The following ARMH4 variants were observed in gnomAD, a reference collection of about 807,000 sequenced individuals.
The protein encoded by ARMH4 is armadillo like helical domain containing 4.
Under a neutral mutation model 61.9 loss-of-function variants are expected in ARMH4, and 49 were observed. That is an observed-to-expected ratio of 0.79 (90% CI 0.63 to 1.00). The LOEUF (loss-of-function observed/expected upper bound fraction) is 1.00, where lower values mean the gene tolerates loss of function less well. Ranked by LOEUF, ARMH4 falls within the 50% of genes least tolerant of loss-of-function variation. The pLI is 0.00. For missense variants in ARMH4, 934 were observed against 930.0 expected (o/e 1.00, Z -0.06); for synonymous variants, 368 against 341.5 (o/e 1.08, Z -0.85).
chr14:58,053,839 T>G (rs962740065), intron 5 of ARMH4, among the ~76,000 whole-genome samples: 4 of 152,154 alleles, frequency 2.6e-5, no homozygotes, highest in Admixed American at 2.6e-4. Context: ...GTCACGTCAG[T>G]CACAACCCCA....
In ARMH4 at chr14:58,047,416, T is replaced by C. The variant is rs112146692; in HGVS notation, c.2090-35266A>G. 4.8e-3 allele frequency among the ~76,000 whole-genome samples: 728 copies of C among 152,342 alleles called. 7 individuals carry two copies. The highest frequency in any genetic ancestry group is 0.017 in the African/African-American group (702 of 41,572). ...ATGTCTTAGTAACAGTTAAAACATA[T>C]AGTGTTAACTGTGTAGCAGACACAC... On this transcript the variant is annotated intron_variant, in intron 5 of 7. Coordinates refer to ENST00000267485, the MANE Select transcript of ARMH4 (RefSeq NM_001001872.4).
At chr14:58,011,978 G>A in intron 6 of ARMH4, 141 bp downstream of exon 6, 4 of 610,232 alleles carry the variant, frequency 6.6e-6, no homozygotes, top group Non-Finnish European at 1.1e-5. Flanking sequence ...TTTTTTGCAG[G>A]TACTGCAAGT....
At chr14:58,031,230 C>T (rs1267189071) in intron 5 of ARMH4, among the ~76,000 whole-genome samples, 1 of 152,106 alleles carries the variant, frequency 6.6e-6, no homozygotes, top group African/African-American at 2.4e-5. Context: ...CTCTGAGCAT[C>T]GATTAGACAC....
chr14:58,112,614 T>C (rs972147093), intron 4 of ARMH4, among the ~76,000 whole-genome samples: 11 of 152,224 alleles, frequency 7.2e-5, no homozygotes, highest in African/African-American at 2.4e-4. Flanking sequence ...ATTTGTTCAC[T>C]ATTTCTTCTT....
intron 5 of ARMH4, among the ~76,000 whole-genome samples, chr14:58,017,011 C>A (rs551906596): frequency 9.2e-5 from 14 of 152,238 alleles, no homozygotes; most frequent in African/African-American, 3.1e-4. Flanking sequence ...TAAAAGCCAT[C>A]CAAATTATAA....
At position 58,005,068 on chromosome 14, in the gene ARMH4, A is replaced by AAGGTAT. The variant is rs1566535298; in HGVS notation, c.2235_2236insATACCT (p.Gly745_Phe746insIlePro). 1.2e-6 allele frequency: 2 copies of AAGGTAT among 1,613,860 alleles called. No individual in the cohort carries two copies. Among genetic ancestry groups the AAGGTAT allele is most frequent in the Middle Eastern group, 3.3e-4 (2 of 6,082 alleles). On this transcript the variant is annotated inframe_insertion, in exon 7 of 8. Coordinates refer to ENST00000267485, the MANE Select transcript of ARMH4 (RefSeq NM_001001872.4). ...CATACCTTTCTTTTATGCCTTTTGA[A>AAGGTAT]GCCATTTCTCCTTCGGCGATTCATA...
chr14:58,111,592 C>T (rs1179721340), intron 4 of ARMH4, among the ~76,000 whole-genome samples: 2 of 152,154 alleles, frequency 1.3e-5, no homozygotes, highest in East Asian at 3.9e-4. Context: ...GGCCTCTCTT[C>T]CTGGTTTACA....
At position 58,035,777 on chromosome 14, in the gene ARMH4, C is replaced by T. The variant is rs1476397930; in HGVS notation, c.2090-23627G>A. On this transcript the variant is annotated intron_variant, in intron 5 of 7. Coordinates refer to ENST00000267485, the MANE Select transcript of ARMH4 (RefSeq NM_001001872.4). Reference sequence around the variant, plus strand: ...TCAGAGAATACTACAAACACCTCTACGCAAATAAACTAGAAAATCTAGAAG... The same window carrying T: ...TCAGAGAATACTACAAACACCTCTATGCAAATAAACTAGAAAATCTAGAAG... Among the ~76,000 whole-genome samples, 87 of 123,996 alleles carry T rather than the reference C, an allele frequency of 7.0e-4. 1 individual carries two copies. The highest frequency in any genetic ancestry group is 9.2e-4 in the Non-Finnish European group (52 of 56,698). 81.3% of individuals were successfully genotyped at this position (123,996 alleles called of 152,430 possible).
At chr14:58,026,384 G>C (rs1015185612) in intron 5 of ARMH4, among the ~76,000 whole-genome samples, 7 of 152,008 alleles carry the variant, frequency 4.6e-5, no homozygotes, top group Admixed American at 3.3e-4. Context: ...TGAAGTTTCT[G>C]CTGAGCACCA....
At chr14:58,081,658 G>A (rs949926137) in intron 5 of ARMH4, among the ~76,000 whole-genome samples, 2 of 151,832 alleles carry the variant, frequency 1.3e-5, no homozygotes, top group South Asian at 2.1e-4. Context: ...CCACCACCAC[G>A]CCTGGCTAAT....
chr14:58,054,115 C>T (rs1884238634), intron 5 of ARMH4, among the ~76,000 whole-genome samples: 1 of 152,180 alleles, frequency 6.6e-6, no homozygotes, highest in Non-Finnish European at 1.5e-5. Flanking sequence ...AAATAACTTA[C>T]ACAAGTGGTG....
chr14:58,129,729 T>C (rs1392104433), intron 4 of ARMH4, among the ~76,000 whole-genome samples: 4 of 152,326 alleles, frequency 2.6e-5, no homozygotes, highest in East Asian at 3.9e-4. Flanking sequence ...AAACTAACAA[T>C]GGTATTATTA....
At chr14:58,007,435 C>T (rs1394263822) in intron 6 of ARMH4, among the ~76,000 whole-genome samples, 4 of 152,180 alleles carry the variant, frequency 2.6e-5, no homozygotes, top group African/African-American at 9.7e-5. Context: ...GGAATGGTTA[C>T]ATTTAGCTAG....
intron 5 of ARMH4, among the ~76,000 whole-genome samples, chr14:58,013,339 C>T (rs59868328): frequency 0.062 from 9,507 of 152,198 alleles, 396 homozygotes; most frequent in African/African-American, 0.11. Flanking sequence ...ATTTGAATTT[C>T]ATGTAATCTT....
At chr14:58,095,238 G>C (rs2141261562) in intron 5 of ARMH4, among the ~76,000 whole-genome samples, 1 of 152,274 alleles carries the variant, frequency 6.6e-6, no homozygotes, top group African/African-American at 2.4e-5. Context: ...AAGTACTAGA[G>C]CATCCGAATA....
At chr14:58,122,304 G>A (rs1886749898) in intron 4 of ARMH4, among the ~76,000 whole-genome samples, 1 of 152,112 alleles carries the variant, frequency 6.6e-6, no homozygotes, top group African/African-American at 2.4e-5. Context: ...GTGCTAGAAG[G>A]ACTAAGGAAA....
chr14:58,099,362 C>T (rs779378448), intron 4 of ARMH4, among the ~76,000 whole-genome samples: 3 of 152,146 alleles, frequency 2.0e-5, no homozygotes, highest in Non-Finnish European at 4.4e-5. Context: ...ACACAGGAAA[C>T]AGGAGTAACC....
At chr14:58,123,396 G>A (rs1886792509) in intron 4 of ARMH4, among the ~76,000 whole-genome samples, 1 of 152,062 alleles carries the variant, frequency 6.6e-6, no homozygotes, top group South Asian at 2.1e-4. Context: ...TAGACCCAAG[G>A]CTCAACAAGG....
At position 58,002,149 on chromosome 14, in the gene ARMH4, G is replaced by A. The variant is rs549230283; in HGVS notation, c.*2587C>T. 5.3e-5 allele frequency: 8 copies of A among 152,134 alleles called. No individual in the cohort carries two copies. The highest frequency in any genetic ancestry group is 4.2e-4 in the South Asian group (2 of 4,812). 9.4% of individuals were successfully genotyped at this position (152,134 alleles called of 1,614,324 possible). On this transcript the variant is annotated 3_prime_UTR_variant, in exon 8 of 8. Coordinates refer to ENST00000267485, the MANE Select transcript of ARMH4 (RefSeq NM_001001872.4). ...AACCACTGGCCAGCACTTCCATCTCGTAGCAGCATCTCTAATCCCAGGTTT... is the reference window on the plus strand; with the variant it reads ...AACCACTGGCCAGCACTTCCATCTCATAGCAGCATCTCTAATCCCAGGTTT...
Sources: allele counts gnomAD v4.1 joint callset (sites outside exome capture counted in the v4.1 genomes callset), GRCh38; gene constraint gnomAD v4.1.1; transcripts MANE v1.5; gene names NCBI Gene and HGNC (gene_info 2026-07-23, HGNC 2026-07-21).